Variants in PFKFB4 observed in about 807,000 individuals in gnomAD.
PFKFB4 encodes 6-phosphofructo-2-kinase/fructose-2,6-bisphosphatase 4.
In PFKFB4, 42 loss-of-function variants were observed where a neutral mutation model predicts 62.8. That is an observed-to-expected ratio of 0.67 (90% CI 0.52 to 0.86). The LOEUF (loss-of-function observed/expected upper bound fraction) is 0.86. Ranked by LOEUF, PFKFB4 falls within the 40% of genes least tolerant of loss-of-function variation. The pLI is 0.00. For missense variants in PFKFB4, 475 were observed against 627.2 expected, an observed-to-expected ratio of 0.76 and a Z score of 2.59; for synonymous variants, 204 against 240.7, an observed-to-expected ratio of 0.85 and a Z score of 1.41.
intron 6 of PFKFB4, 83 bp downstream of exon 6, chr3:48,539,171 G>A (rs1335725446): frequency 6.6e-6 from 7 of 1,055,458 alleles, no homozygotes; most frequent in African/African-American, 1.5e-5. Flanking sequence ...CAAGGTTCAA[G>A]ATCAAATTAA....
In PFKFB4 at chr3:48,522,920, C is replaced by T. The variant is rs893182454; in HGVS notation, c.1285+617G>A. 5.3e-5 allele frequency among the ~76,000 whole-genome samples: 8 copies of T among 151,962 alleles called. 1 individual carries two copies. The highest frequency in any genetic ancestry group is 1.4e-4 in the African/African-American group (6 of 41,418). On this transcript the variant is annotated intron_variant, in intron 12 of 13. Transcript: ENST00000232375. ...GGACTACAGGTGCCCGCCACTACGC[C>T]CAGCTAATTTTTTTGTATTTTTAGT...
At position 48,544,378 on chromosome 3, in the gene PFKFB4, C is replaced by T. The variant is rs529111254; in HGVS notation, c.312-732G>A. Reference sequence around the variant, plus strand: ...TTCTGCATCTCTTCTTCTATCATATCCATACCCTCCAGAATGGGAATCCCC... The same window carrying T: ...TTCTGCATCTCTTCTTCTATCATATTCATACCCTCCAGAATGGGAATCCCC... On this transcript the variant is annotated intron_variant, in intron 3 of 13. Transcript: ENST00000232375. Among the ~76,000 whole-genome samples the T allele has an allele frequency of 3.3e-5, 5 of 151,838 alleles. 1 individual carries two copies. Among genetic ancestry groups the T allele is most frequent in the Admixed American group, 3.3e-4 (5 of 15,240 alleles).
At position 48,521,005 on chromosome 3, in the gene PFKFB4, T is replaced by G. The variant is rs1257634117; in HGVS notation, c.1350+981A>C. On this transcript the variant is annotated intron_variant, in intron 13 of 13. Transcript: ENST00000232375. The surrounding 1 kb of genome is among the most constrained non-coding windows in gnomAD (Gnocchi z 5.3). The stretch of plus-strand genomic sequence containing the variant: ...GTACCAAATTGGGCCTGGGCTGAAC[T>G]TGGCCAAGACATGCACGAACTATCA... Among the ~76,000 whole-genome samples the G allele has an allele frequency of 6.6e-6, 1 of 152,198 alleles. No homozygotes were observed. Among genetic ancestry groups the G allele is most frequent in the African/African-American group, 2.4e-5 (1 of 41,458 alleles).
intron 3 of PFKFB4, among the ~76,000 whole-genome samples, chr3:48,544,730 T>G (rs1331513511): frequency 8.7e-6 from 1 of 115,170 alleles, no homozygotes. Flanking sequence ...GAAGGTTTGT[T>G]TTTTTTTTTA....
At chr3:48,524,944 G>A (rs2042210788) in intron 10 of PFKFB4, among the ~76,000 whole-genome samples, 1 of 152,122 alleles carries the variant, frequency 6.6e-6, no homozygotes, top group African/African-American at 2.4e-5. Flanking sequence ...CAACTCATGT[G>A]TGGAAGGTCT....
Position 48,519,672 on chromosome 3 carries a change from A to G in PFKFB4, c.*75T>C, listed in dbSNP as rs150299966. Reference sequence around the variant, plus strand: ...CCCTGCATGGCATGGTGACTATCACACACACTGGAGGGCCTGGAATGACCC... The same window carrying G: ...CCCTGCATGGCATGGTGACTATCACGCACACTGGAGGGCCTGGAATGACCC... On this transcript the variant is annotated 3_prime_UTR_variant, in exon 14 of 14. Coordinates refer to ENST00000232375, the MANE Select transcript of PFKFB4 (RefSeq NM_004567.4). 5.4e-5 allele frequency: 60 copies of G among 1,120,138 alleles called. No homozygotes were observed. In the African/African-American group the frequency reaches 7.2e-4, roughly 13 times the overall value. 69.4% of individuals were successfully genotyped at this position (1,120,138 alleles called of 1,614,324 possible). A position where few individuals can be genotyped will look rare whatever the true frequency, so the allele number is the denominator to read the frequency against.
upstream of PFKFB4, chr3:48,559,996 C>G: frequency 5.2e-6 from 1 of 191,964 alleles, no homozygotes; most frequent in Non-Finnish European, 1.1e-5. Flanking sequence ...GCAATCATGG[C>G]TCACTGCAGC....
Position 48,525,523 on chromosome 3 carries a change from C to T in PFKFB4, c.1092+42G>A, listed in dbSNP as rs765274763. ...CTCAGCCACAGGTGGTACTCCCAGGCGGGCAGTAGGTGGCTGGGACTAAGC... is the reference window on the plus strand; with the variant it reads ...CTCAGCCACAGGTGGTACTCCCAGGTGGGCAGTAGGTGGCTGGGACTAAGC... On this transcript the variant is annotated intron_variant, in intron 10 of 13. Transcript: ENST00000232375. 27 of 1,071,360 alleles carry T rather than the reference C, an allele frequency of 2.5e-5. No homozygotes were observed. The Middle Eastern group carries it at 7.3e-4, about 29-fold the overall frequency. 66.4% of individuals were successfully genotyped at this position (1,071,360 alleles called of 1,614,324 possible).
chr3:48,533,779 G>A (rs749311301), intron 9 of PFKFB4, among the ~76,000 whole-genome samples: 6 of 152,172 alleles, frequency 3.9e-5, no homozygotes, highest in Non-Finnish European at 7.3e-5. Flanking sequence ...GCTTGAACCC[G>A]GGAGACGAAG....
rs1375551504 is a variant in PFKFB4, at chr3:48,518,926, C to T, written c.*821G>A. The T allele has an allele frequency of 1.3e-5, 2 of 152,128 alleles. No individual in the cohort carries two copies. Among genetic ancestry groups the T allele is most frequent in the East Asian group, 1.9e-4 (1 of 5,180 alleles). The allele number at this position is 152,128 out of a possible 1,614,324, so 9.4% of individuals were successfully genotyped here. A position where few individuals can be genotyped will look rare whatever the true frequency, so the allele number is the denominator to read the frequency against. On this transcript the variant is annotated 3_prime_UTR_variant, in exon 14 of 14. Coordinates refer to ENST00000232375, the MANE Select transcript of PFKFB4 (RefSeq NM_004567.4). The stretch of plus-strand genomic sequence containing the variant: ...CCCTCGAGCACTTCGGTGTGTGCAC[C>T]AGGAAGGTAACTTCCTGCCCTGTCT...
chr3:48,542,741 T>C (rs2042838994), intron 4 of PFKFB4, among the ~76,000 whole-genome samples: 1 of 152,086 alleles, frequency 6.6e-6, no homozygotes, highest in Admixed American at 6.6e-5. Context: ...CTAGAAGCCA[T>C]AAGACATCAG....
chr3:48,528,090 G>T (rs1400212972), intron 9 of PFKFB4, among the ~76,000 whole-genome samples: 2 of 152,140 alleles, frequency 1.3e-5, no homozygotes, highest in African/African-American at 2.4e-5. Context: ...GGGAAATGAG[G>T]TACCTTTTCC....
rs774304530 is a variant in PFKFB4 at position 48,536,396 on chromosome 3, T to C, written c.700A>G (p.Ile234Val). Residue 234 changes from isoleucine (I) to valine (V), a missense_variant, in exon 8 of 14, where the codon ATC becomes GTC. Coordinates refer to ENST00000232375, the MANE Select transcript of PFKFB4 (RefSeq NM_004567.4). ...AGGTAATATACGATGCGGCTCTGGA[T>C]GTGGTCAGCCACACGGTTCACCACG... ...SYVVNRVADHIQSRIVYYLMN... is the reference protein window; with the variant it reads ...SYVVNRVADHVQSRIVYYLMN... 22 of 1,614,054 alleles carry C rather than the reference T, an allele frequency of 1.4e-5. No individual in the cohort carries two copies. The East Asian group carries it at 3.8e-4, about 28-fold the overall frequency.
At chr3:48,539,384 C>G in intron 5 of PFKFB4, 74 bp from the exon 6 acceptor site, 2 of 1,282,806 alleles carry the variant, frequency 1.6e-6, no homozygotes, top group Non-Finnish European at 2.2e-6. Context: ...CCGCCTTGCT[C>G]CTCGGAGCTC....
chr3:48,523,876 G>A (rs766013168), intron 10 of PFKFB4, 46 bp from the exon 11 acceptor site: 34 of 1,592,504 alleles, frequency 2.1e-5, no homozygotes, highest in South Asian at 9.1e-5. Context: ...GGCTCCGGGG[G>A]AGGGACAGAC....
intron 7 of PFKFB4, among the ~76,000 whole-genome samples, chr3:48,537,133 G>C (rs934175766): frequency 1.3e-5 from 2 of 152,202 alleles, no homozygotes; most frequent in Non-Finnish European, 2.9e-5. Flanking sequence ...ACAGCACATT[G>C]ATCAGTCTCT....
chr3:48,550,884 A>G (rs1197583218), intron 1 of PFKFB4, among the ~76,000 whole-genome samples: 2 of 152,200 alleles, frequency 1.3e-5, no homozygotes, highest in East Asian at 3.9e-4. Flanking sequence ...GCCCTGTGGT[A>G]TCTGAGCCCT....
Position 48,530,959 on chromosome 3 carries a change from A to G in PFKFB4, c.987+4553T>C, listed in dbSNP as rs531545924. On this transcript the variant is annotated intron_variant, in intron 9 of 13. Transcript: ENST00000232375. ...TGATGTCAAGTGATCCACCCACCTC[A>G]GTCTCCCAAAGTGCTGGGATTGCAG... 2.0e-5 allele frequency among the ~76,000 whole-genome samples: 3 copies of G among 152,260 alleles called. No individual in the cohort carries two copies. In the South Asian group the frequency reaches 6.2e-4, roughly 32 times the overall value.
chr3:48,530,287 T>C (rs1330977698), intron 9 of PFKFB4, among the ~76,000 whole-genome samples: 3 of 151,788 alleles, frequency 2.0e-5, no homozygotes, highest in Non-Finnish European at 2.9e-5. Flanking sequence ...TAAAATAAAA[T>C]AAAACCATGA....
Sources: allele counts gnomAD v4.1 joint callset (sites outside exome capture counted in the v4.1 genomes callset), GRCh38; gene constraint gnomAD v4.1.1; non-coding constraint Gnocchi (gnomAD v3.1); transcripts MANE v1.5; gene names NCBI Gene and HGNC (gene_info 2026-07-23, HGNC 2026-07-21).